Variants in CSMD2 observed in about 807,000 individuals in gnomAD.
CSMD2 encodes the protein CUB and Sushi multiple domains 2.
Under a neutral mutation model 398.5 loss-of-function variants are expected in CSMD2, and 130 were observed. The ratio of observed to expected loss-of-function variants is 0.33; its 90% CI spans 0.28 to 0.38. The LOEUF is 0.38. Among genes scored for constraint, CSMD2 ranks in the 10% least tolerant of loss-of-function variants. The probability of loss-of-function intolerance (pLI) is 1.00; values close to 1 mark genes in which losing one functional copy is unlikely to be tolerated. For synonymous variants in CSMD2, 1,828 were observed against 1,908.5 expected (o/e 0.96, Z 1.10); for missense variants, 3,829 against 4,764.9 (o/e 0.80, Z 5.78).
rs186031868 is a variant in CSMD2, at chr1:33,620,272, C to A, written c.5827+1895G>T. On this transcript the variant is annotated intron_variant, in intron 37 of 70. Transcript: ENST00000373381. ...TGTGACTTTTCAGTACCCTTCAAAA[C>A]CATTTGCCTGTACAATAGCAGTTAA... Among the ~76,000 whole-genome samples the A allele has an allele frequency of 2.0e-5, 3 of 152,300 alleles. No homozygotes were observed. In the East Asian group the frequency reaches 5.8e-4, roughly 29 times the overall value.
At chr1:34,080,922 G>GAAAGAAAGAAAGA (rs1383564085) in intron 2 of CSMD2, among the ~76,000 whole-genome samples, 3 of 2,968 alleles carry the variant, frequency 1.0e-3, no homozygotes, top group Non-Finnish European at 2.1e-3. Flanking sequence ...TAACTGAGTG[G>GAAAGAAAGAAAGA]AAAGAAAGAA....
chr1:33,565,627 G>A (rs1030896571), intron 53 of CSMD2, among the ~76,000 whole-genome samples: 7 of 152,032 alleles, frequency 4.6e-5, no homozygotes, highest in African/African-American at 7.2e-5. Flanking sequence ...AAATGTATAC[G>A]AAGCTACTTT....
Position 33,600,999 on chromosome 1 carries a change from T to C in CSMD2, c.6722A>G (p.Gln2241Arg). 1 of 1,614,204 alleles carries C rather than the reference T, an allele frequency of 6.2e-7. No homozygotes were observed. The highest frequency in any genetic ancestry group is 8.5e-7 in the Non-Finnish European group (1 of 1,180,034). Residue 2241 changes from glutamine to arginine, a missense_variant, in exon 44 of 71, where the codon CAG (glutamine) becomes CGG (arginine). By Grantham distance (43) the Gln-to-Arg change is conservative. Around this residue, in one of 5 missense-constraint regions of CSMD2, gnomAD observed 723 missense variants for 758.6 expected, o/e 0.95. Coordinates refer to ENST00000373381, the MANE Select transcript of CSMD2 (RefSeq NM_001281956.2). ...GACGCCGAGCCGTGGTGCTGTTTGC[T>C]GTGGCCCATCCCTGTACACAGGAAA... Reference protein sequence around the residue: ...GDFITIWDGPQQTAPRLGVFT... With the variant: ...GDFITIWDGPRQTAPRLGVFT...
chr1:33,972,917 G>C (rs1001096009), intron 3 of CSMD2, among the ~76,000 whole-genome samples: 2 of 107,726 alleles, frequency 1.9e-5, no homozygotes, highest in Non-Finnish European at 3.6e-5. Flanking sequence ...GAAGCAGCAG[G>C]ATGAGCCTTC....
chr1:33,755,385 C>T (rs1171120954), intron 13 of CSMD2, among the ~76,000 whole-genome samples: 1 of 152,180 alleles, frequency 6.6e-6, no homozygotes, highest in Non-Finnish European at 1.5e-5. Context: ...GTGAGTTTCT[C>T]AAGGTCACCT....
At chr1:33,610,968 G>A (rs1225808267) in intron 41 of CSMD2, 73 bp downstream of exon 41, 11 of 1,420,536 alleles carry the variant, frequency 7.7e-6, no homozygotes, top group Non-Finnish European at 1.1e-5. Context: ...CACATGGAAG[G>A]CTGGGAAGGT....
At chr1:34,018,636 C>G (rs1351350339) in intron 3 of CSMD2, among the ~76,000 whole-genome samples, 1 of 152,242 alleles carries the variant, frequency 6.6e-6, no homozygotes, top group Non-Finnish European at 1.5e-5. Context: ...ACACTGATAA[C>G]TATCAGGACC....
chr1:33,725,577 G>A, intron 16 of CSMD2, 41 bp from the exon 17 acceptor site: 1 of 1,597,640 alleles, frequency 6.3e-7, no homozygotes, highest in South Asian at 1.1e-5. Context: ...AGAAATCCAA[G>A]CTTATTAATT....
chr1:33,590,294 ATTTTTTTTT>A (rs56252015), intron 44 of CSMD2, among the ~76,000 whole-genome samples: 61 of 73,850 alleles, frequency 8.3e-4, no homozygotes, highest in East Asian at 3.1e-3. Flanking sequence ...GCTAATTAAA[ATTTTTTTTT>A]TTTTTTTTTT....
chr1:33,529,354 C>T (rs1655050126), intron 64 of CSMD2, among the ~76,000 whole-genome samples: 1 of 152,082 alleles, frequency 6.6e-6, no homozygotes, highest in South Asian at 2.1e-4. Context: ...CCCTAGGGTG[C>T]CCAGACTGGG....
chr1:33,622,483 C>T (rs1346478354), intron 36 of CSMD2, among the ~76,000 whole-genome samples: 2 of 152,154 alleles, frequency 1.3e-5, no homozygotes, highest in African/African-American at 4.8e-5. Flanking sequence ...AATCTGCTTC[C>T]TGTAAGATGA....
At chr1:33,946,357 G>T (rs1471233952) in intron 3 of CSMD2, among the ~76,000 whole-genome samples, 1 of 152,110 alleles carries the variant, frequency 6.6e-6, no homozygotes, top group Non-Finnish European at 1.5e-5. Context: ...CAATAGCAAG[G>T]GTACTTGACG....
At position 33,587,073 on chromosome 1, in the gene CSMD2, CT is replaced by C; in HGVS notation, c.6937+14del. On this transcript the variant is annotated intron_variant, in intron 45 of 70. Coordinates refer to ENST00000373381, the MANE Select transcript of CSMD2 (RefSeq NM_001281956.2). ...GTCCTGGGTTCACAGTCCTTGCTGG[CT>C]TGGGAGGTGGTACCTATATTGAATT... 6.3e-7 allele frequency: 1 copy of C among 1,586,686 alleles called. No homozygotes were observed. The highest frequency in any genetic ancestry group is 8.6e-7 in the Non-Finnish European group (1 of 1,164,670).
At chr1:33,796,888 C>T (rs1655016294) in intron 10 of CSMD2, among the ~76,000 whole-genome samples, 1 of 152,128 alleles carries the variant, frequency 6.6e-6, no homozygotes, top group Non-Finnish European at 1.5e-5. Flanking sequence ...CTATAAATGG[C>T]CGCTCTGGGA....
In CSMD2 at chr1:33,577,414, C is replaced by T. The variant is rs751068091; in HGVS notation, c.7458G>A (p.Gly2486=). The T allele has an allele frequency of 1.2e-6, 2 of 1,614,126 alleles. No individual in the cohort carries two copies. Among genetic ancestry groups the T allele is most frequent in the East Asian group, 2.2e-5 (1 of 44,876 alleles). Residue 2486 remains glycine, a synonymous_variant, in exon 49 of 71, where the codon GGG becomes GGA. Coordinates refer to ENST00000373381, the MANE Select transcript of CSMD2 (RefSeq NM_001281956.2). ...FILGQTSTQP[G]GSIHFGCNAG... is the part of the protein sequence containing the mutation. Reference sequence around the variant, plus strand: ...CGTTGCAGCCAAAGTGGATGGAGCCCCCGGGCTGGGTGCTGGTCTGGCCTA... The same window carrying T: ...CGTTGCAGCCAAAGTGGATGGAGCCTCCGGGCTGGGTGCTGGTCTGGCCTA...
intron 10 of CSMD2, among the ~76,000 whole-genome samples, chr1:33,795,577 C>A (rs1654856020): frequency 6.6e-6 from 1 of 152,238 alleles, no homozygotes; most frequent in African/African-American, 2.4e-5. Context: ...TTCCTGCTCC[C>A]TGTCACTGCC....
At chr1:33,659,938 T>C (rs1209389009) in intron 26 of CSMD2, among the ~76,000 whole-genome samples, 1 of 152,242 alleles carries the variant, frequency 6.6e-6, no homozygotes, top group Non-Finnish European at 1.5e-5. Context: ...ACTGAACTTA[T>C]TTGTAAAGTC....
At chr1:34,030,886 C>T (rs10914853) in intron 3 of CSMD2, among the ~76,000 whole-genome samples, 14,094 of 152,096 alleles carry the variant, frequency 0.093, 1,053 homozygotes, top group East Asian at 0.33. Context: ...TTCCTGGCCC[C>T]GGGTCCCAAG....
rs1039201096 is a variant in CSMD2, at chr1:33,600,783, C to G, written c.6856+82G>C. 9.6e-5 allele frequency: 140 copies of G among 1,456,422 alleles called. 1 individual carries two copies. In the South Asian group the frequency reaches 1.6e-3, roughly 16 times the overall value. The allele number at this position is 1,456,422 out of a possible 1,614,324, so 90.2% of individuals were successfully genotyped here. A position where few individuals can be genotyped will look rare whatever the true frequency, so the allele number is the denominator to read the frequency against. On this transcript the variant is annotated intron_variant, in intron 44 of 70. Coordinates refer to ENST00000373381, the MANE Select transcript of CSMD2 (RefSeq NM_001281956.2). ...ACAACTCACTCAAGGTCACATGATC[C>G]GCAAATGGTGGAGACGGGAGTCAAG...
Sources: gnomAD v4.1 joint callset for allele counts (sites outside exome capture counted in the v4.1 genomes callset) on GRCh38, gnomAD v4.1.1 for gene constraint, gnomAD v4.1.1 regional missense constraint, MANE v1.5 for transcripts, NCBI Gene and HGNC (gene_info 2026-07-23, HGNC 2026-07-21) for gene names.